Variants in DACH1 observed in about 807,000 individuals in gnomAD.
The protein encoded by DACH1 is dachshund family transcription factor 1.
Under a neutral mutation model 54.2 loss-of-function variants are expected in DACH1, and 12 were observed. The ratio of observed to expected loss-of-function variants is 0.22; its 90% CI spans 0.14 to 0.36. The LOEUF (loss-of-function observed/expected upper bound fraction) is 0.36. Ranked by LOEUF, DACH1 falls within the 10% of genes least tolerant of loss-of-function variation. DACH1 has a pLI of 1.00. For synonymous variants in DACH1, 386 were observed against 366.2 expected, an observed-to-expected ratio of 1.05 and a Z score of -0.62; for missense variants, 805 against 929.8, an observed-to-expected ratio of 0.87 and a Z score of 1.75.
Position 71,755,933 on chromosome 13 carries a change from A to G in DACH1, c.849-74023T>C, listed in dbSNP as rs567768725. ...CCATTAATTTATTGGCTGAGACGGT[A>G]TGGAAAAAATACTAAAAAATGTTAA... On this transcript the variant is annotated intron_variant, in intron 1 of 10. Coordinates refer to ENST00000613252, the MANE Select transcript of DACH1 (RefSeq NM_080759.6). 2.9e-3 allele frequency among the ~76,000 whole-genome samples: 436 copies of G among 152,358 alleles called. 1 individual carries two copies. Among genetic ancestry groups the G allele is most frequent in the Non-Finnish European group, 5.0e-3 (337 of 68,028 alleles).
At chr13:71,771,315 G>GAATAAATA (rs1566490124) in intron 1 of DACH1, among the ~76,000 whole-genome samples, 66 of 140,922 alleles carry the variant, frequency 4.7e-4, no homozygotes, top group African/African-American at 1.3e-3. Flanking sequence ...AGAAGCAAAA[G>GAATAAATA]GATAAATAAA....
chr13:71,803,050 T>C (rs1485681070), intron 1 of DACH1, among the ~76,000 whole-genome samples: 1 of 152,156 alleles, frequency 6.6e-6, no homozygotes, highest in Non-Finnish European at 1.5e-5. Flanking sequence ...TGGGTAAAAT[T>C]TCAAAGTGTA....
chr13:71,457,353 A>G (rs1337596280), intron 10 of DACH1, among the ~76,000 whole-genome samples: 1 of 152,054 alleles, frequency 6.6e-6, no homozygotes. Context: ...CAGAATCAAC[A>G]AAGATGCAAA....
At chr13:71,619,183 A>G (rs1222831865) in intron 3 of DACH1, among the ~76,000 whole-genome samples, 1 of 151,894 alleles carries the variant, frequency 6.6e-6, no homozygotes. Flanking sequence ...CTGTAACTAT[A>G]AAAAAGTATG....
At chr13:71,576,480 A>G (rs1410544292) in intron 3 of DACH1, among the ~76,000 whole-genome samples, 3 of 152,000 alleles carry the variant, frequency 2.0e-5, no homozygotes, top group Non-Finnish European at 4.4e-5. Flanking sequence ...GGCTCAGACT[A>G]TTTTCCTTGG....
chr13:71,477,532 A>G (rs1877684897), intron 8 of DACH1, among the ~76,000 whole-genome samples: 1 of 152,158 alleles, frequency 6.6e-6, no homozygotes, highest in African/African-American at 2.4e-5. Flanking sequence ...CTATGGTGTT[A>G]TACGAAAAGA....
intron 1 of DACH1, among the ~76,000 whole-genome samples, chr13:71,703,170 T>C (rs1296877395): frequency 6.6e-6 from 1 of 152,224 alleles, no homozygotes; most frequent in Non-Finnish European, 1.5e-5. Context: ...ATAAGTGCCA[T>C]GTATTATTCA....
intron 3 of DACH1, among the ~76,000 whole-genome samples, chr13:71,622,006 G>C (rs1876281686): frequency 6.6e-6 from 1 of 151,902 alleles, no homozygotes; most frequent in Admixed American, 6.6e-5. Flanking sequence ...CAAATTATCT[G>C]GGTTCATTTA....
At chr13:71,624,625 A>G (rs544396367) in intron 3 of DACH1, among the ~76,000 whole-genome samples, 5 of 152,024 alleles carry the variant, frequency 3.3e-5, no homozygotes, top group Non-Finnish European at 7.4e-5. Flanking sequence ...AACAAACAAA[A>G]AAACTTTCTA....
intron 6 of DACH1, among the ~76,000 whole-genome samples, chr13:71,556,273 A>G: frequency 1.3e-5 from 2 of 152,294 alleles, no homozygotes; most frequent in Middle Eastern, 6.8e-3. Context: ...TCAAAAAAAG[A>G]TAAGCAAATT....
intron 3 of DACH1, among the ~76,000 whole-genome samples, chr13:71,601,097 A>G (rs1315017966): frequency 6.6e-6 from 1 of 152,102 alleles, no homozygotes; most frequent in Middle Eastern, 3.2e-3. Flanking sequence ...TCTATCTAAC[A>G]AAGATAAAAG....
At chr13:71,610,770 G>T (rs560378267) in intron 3 of DACH1, among the ~76,000 whole-genome samples, 1 of 152,102 alleles carries the variant, frequency 6.6e-6, no homozygotes. Context: ...GAAGAAAAAG[G>T]ATCTTAAAAG....
Position 71,665,008 on chromosome 13 carries a change from C to A in DACH1, c.964+16787G>T, listed in dbSNP as rs368461209. Reference sequence around the variant, plus strand: ...AACACAGAGATTTACTACTAATGAGCAATAGGGTAAATGAAGACTATAAGA... The same window carrying A: ...AACACAGAGATTTACTACTAATGAGAAATAGGGTAAATGAAGACTATAAGA... On this transcript the variant is annotated intron_variant, in intron 2 of 10. Transcript: ENST00000613252. 3.6e-4 allele frequency among the ~76,000 whole-genome samples: 55 copies of A among 151,792 alleles called. 1 individual carries two copies. The highest frequency in any genetic ancestry group is 1.3e-3 in the African/African-American group (52 of 41,414).
chr13:71,778,676 A>G (rs1018271278), intron 1 of DACH1, among the ~76,000 whole-genome samples: 1 of 152,154 alleles, frequency 6.6e-6, no homozygotes, highest in African/African-American at 2.4e-5. Context: ...ATATGTAGAA[A>G]TCATATGTTT....
chr13:71,693,734 C>CAGTGTATG (rs1360068846), intron 1 of DACH1, among the ~76,000 whole-genome samples: 1 of 152,058 alleles, frequency 6.6e-6, no homozygotes, highest in African/African-American at 2.4e-5. Context: ...ACTTTTGTTA[C>CAGTGTATG]AGTGTATGGT....
intron 3 of DACH1, among the ~76,000 whole-genome samples, chr13:71,599,278 T>C (rs1026856835): frequency 6.6e-6 from 1 of 152,104 alleles, no homozygotes; most frequent in African/African-American, 2.4e-5. Context: ...TGACCCAAAA[T>C]TAAAGGCAAG....
At chr13:71,666,832 A>G (rs1317206483) in intron 2 of DACH1, among the ~76,000 whole-genome samples, 1 of 151,938 alleles carries the variant, frequency 6.6e-6, no homozygotes, top group East Asian at 1.9e-4. Context: ...AATACAAAAA[A>G]TCGGCTGGGT....
At chr13:71,517,736 T>C (rs1566311264) in intron 6 of DACH1, among the ~76,000 whole-genome samples, 1 of 151,896 alleles carries the variant, frequency 6.6e-6, no homozygotes, top group Non-Finnish European at 1.5e-5. Flanking sequence ...CCAGAAGTCC[T>C]GAAGCATTGC....
At chr13:71,548,184 G>GTGA (rs986259083) in intron 6 of DACH1, among the ~76,000 whole-genome samples, 1 of 152,150 alleles carries the variant, frequency 6.6e-6, no homozygotes, top group Non-Finnish European at 1.5e-5. Context: ...TTTGTATTTA[G>GTGA]TGATGATTAG....
Sources: gnomAD v4.1 joint callset for allele counts (sites outside exome capture counted in the v4.1 genomes callset) on GRCh38, gnomAD v4.1.1 for gene constraint, MANE v1.5 for transcripts, NCBI Gene and HGNC (gene_info 2026-07-23, HGNC 2026-07-21) for gene names.